The following BNC2 variants were observed in gnomAD, a reference collection of about 807,000 sequenced individuals.
The protein encoded by BNC2 is zinc finger protein basonuclin-2.
In BNC2, 20 loss-of-function variants were observed where a neutral mutation model predicts 76.3. The observed-to-expected ratio is 0.26, with a 90% CI of 0.18 to 0.38. The LOEUF (loss-of-function observed/expected upper bound fraction) is 0.38. BNC2 is among the 10% of genes least tolerant of loss of function. The pLI, the probability that BNC2 is intolerant of heterozygous loss-of-function variation, is 1.00. For missense variants in BNC2, 1,382 were observed against 1,399.8 expected, an observed-to-expected ratio of 0.99 and a Z score of 0.20; for synonymous variants, 582 against 514.8, an observed-to-expected ratio of 1.13 and a Z score of -1.77.
At chr9:16,434,632 G>A (rs980964290) in intron 6 of BNC2, among the ~76,000 whole-genome samples, 4 of 152,106 alleles carry the variant, frequency 2.6e-5, no homozygotes, top group Admixed American at 6.5e-5. Context: ...TCCTGCCACT[G>A]ACCACCTTGA....
At chr9:16,451,838 AT>A (rs1392332695) in intron 5 of BNC2, among the ~76,000 whole-genome samples, 1 of 152,176 alleles carries the variant, frequency 6.6e-6, no homozygotes. Context: ...CGTCCTTGAT[AT>A]CCCCACTGCC....
intron 3 of BNC2, among the ~76,000 whole-genome samples, chr9:16,720,124 A>G (rs10756789): frequency 0.42 from 63,986 of 152,068 alleles, 18,110 homozygotes; most frequent in Non-Finnish European, 0.63. Flanking sequence ...TACTCAAAGA[A>G]CCCTTCTACA....
chr9:16,771,452 G>A (rs1825828978), intron 1 of BNC2, among the ~76,000 whole-genome samples: 1 of 152,158 alleles, frequency 6.6e-6, no homozygotes, highest in South Asian at 2.1e-4. Flanking sequence ...ATTAAATACT[G>A]CTATATGGCA....
At chr9:16,707,406 C>T (rs908341910) in intron 3 of BNC2, among the ~76,000 whole-genome samples, 2 of 152,138 alleles carry the variant, frequency 1.3e-5, no homozygotes, top group Admixed American at 1.3e-4. Context: ...CAAACAGATA[C>T]ACTTTTCTTC....
At chr9:16,573,533 T>G (rs77195889) in intron 4 of BNC2, among the ~76,000 whole-genome samples, 1 of 107,130 alleles carries the variant, frequency 9.3e-6, no homozygotes, top group Non-Finnish European at 1.7e-5. Flanking sequence ...AGGTGTAGAG[T>G]TGCCTTTACA....
Position 16,435,768 on chromosome 9 carries a change from G to A in BNC2, c.2426C>T (p.Thr809Ile). 2 of 1,614,104 alleles carry A rather than the reference G, an allele frequency of 1.2e-6. No individual in the cohort carries two copies. The highest frequency in any genetic ancestry group is 1.7e-6 in the Non-Finnish European group (2 of 1,180,024). ...ASMAALHESFTSSLNYGSPQK... is the reference protein window; with the variant it reads ...ASMAALHESFISSLNYGSPQK... The stretch of plus-strand genomic sequence containing the variant: ...AGGGCTGCCATAATTCAGAGACGAT[G>A]TAAAGCTCTCATGCAAGGCGGCCAT... The change falls in exon 6 of 7, where the codon ACA (threonine) becomes ATA (isoleucine). Residue 809 changes from threonine to isoleucine, a missense_variant. This residue lies in a region of BNC2 where 798 missense variants were observed against 775.5 expected (regional missense o/e 1.03). Transcript: ENST00000380672.
intron 5 of BNC2, among the ~76,000 whole-genome samples, chr9:16,468,000 T>C (rs1256272389): frequency 2.0e-5 from 3 of 151,824 alleles, no homozygotes; most frequent in Admixed American, 6.6e-5. Context: ...GTTCTGTTAC[T>C]GTGTTCCTGA....
intron 6 of BNC2, chr9:16,431,591 G>A (rs879216366): frequency 2.6e-5 from 8 of 311,554 alleles, no homozygotes; most frequent in South Asian, 2.1e-4. Context: ...AAACAAGAAG[G>A]AGGAAAGGGT....
chr9:16,806,999 ACTTT>A (rs1255648285), intron 1 of BNC2, among the ~76,000 whole-genome samples: 1 of 114,762 alleles, frequency 8.7e-6, no homozygotes, highest in African/African-American at 2.5e-5. Flanking sequence ...GAAATAGTCT[ACTTT>A]CTTCTCTTTT....
chr9:16,541,862 T>C (rs867730231), intron 5 of BNC2, among the ~76,000 whole-genome samples: 3 of 152,120 alleles, frequency 2.0e-5, no homozygotes, highest in African/African-American at 7.2e-5. Context: ...CATTCTCCTA[T>C]TTATCCTACT....
chr9:16,768,294 G>A (rs1825748196), intron 1 of BNC2, among the ~76,000 whole-genome samples: 1 of 152,022 alleles, frequency 6.6e-6, no homozygotes, highest in Admixed American at 6.5e-5. Context: ...ACAGAAGTCA[G>A]TAAGAGCCAC....
At position 16,738,339 on chromosome 9, in the gene BNC2, GGA is replaced by G. The variant is rs2135126605; in HGVS notation, c.129+19_129+20del. 1 of 1,489,332 alleles carries G rather than the reference GGA, an allele frequency of 6.7e-7. No individual in the cohort carries two copies. The highest frequency in any genetic ancestry group is 8.9e-7 in the Non-Finnish European group (1 of 1,123,110). 92.3% of individuals were successfully genotyped at this position (1,489,332 alleles called of 1,614,324 possible). ...AAGTGTGTCCAAGTAACTTAAAGGG[GGA>G]AAAAAAAAACCAACATACCTCAATT... On this transcript the variant is annotated intron_variant, in intron 2 of 6. Coordinates refer to ENST00000380672, the MANE Select transcript of BNC2 (RefSeq NM_017637.6).
chr9:16,456,573 G>C (rs958534753), intron 5 of BNC2, among the ~76,000 whole-genome samples: 1 of 150,738 alleles, frequency 6.6e-6, no homozygotes, highest in East Asian at 2.0e-4. Flanking sequence ...CAGGCCAAGA[G>C]CAGCAGGTAA....
intron 5 of BNC2, among the ~76,000 whole-genome samples, chr9:16,496,591 T>C (rs1227505382): frequency 1.3e-5 from 2 of 152,238 alleles, no homozygotes; most frequent in Non-Finnish European, 2.9e-5. Context: ...AAGGTTTAAA[T>C]CTAGGATTCT....
chr9:16,443,064 CAAAA>C (rs908689709), intron 5 of BNC2, among the ~76,000 whole-genome samples: 2 of 63,666 alleles, frequency 3.1e-5, no homozygotes, highest in South Asian at 1.2e-3. Context: ...GAGACTCTGT[CAAAA>C]AAAAAAAAAA....
At chr9:16,620,250 G>T (rs1820826490) in intron 3 of BNC2, among the ~76,000 whole-genome samples, 1 of 152,120 alleles carries the variant, frequency 6.6e-6, no homozygotes, top group Non-Finnish European at 1.5e-5. Context: ...CTTTGGTTTA[G>T]CCCTCTCACT....
rs553164529 is a variant in BNC2, at chr9:16,643,221, G to A, written c.331-60136C>T. On this transcript the variant is annotated intron_variant, in intron 3 of 6. Transcript: ENST00000380672. ...CTCGGGAGGCTGAGGCAGGAGAATC[G>A]CTTGAACCTGGGAAGTGGAGGTTGC... is the stretch of plus-strand genomic sequence containing the variant. Among the ~76,000 whole-genome samples, 43 of 151,134 alleles carry A rather than the reference G, an allele frequency of 2.8e-4. No individual in the cohort carries two copies. In the East Asian group the frequency reaches 6.8e-3, roughly 24 times the overall value.
At chr9:16,430,936 G>T (rs1244915818) in intron 6 of BNC2, among the ~76,000 whole-genome samples, 2 of 152,102 alleles carry the variant, frequency 1.3e-5, no homozygotes, top group African/African-American at 4.8e-5. Flanking sequence ...AATATAATTT[G>T]GTCTTTAAAT....
intron 3 of BNC2, among the ~76,000 whole-genome samples, chr9:16,604,294 A>G (rs890748446): frequency 3.3e-5 from 5 of 152,216 alleles, no homozygotes; most frequent in Non-Finnish European, 5.9e-5. Context: ...CCCCATTCAT[A>G]TTAATTAAAT....
Sources: allele counts gnomAD v4.1 joint callset (sites outside exome capture counted in the v4.1 genomes callset), GRCh38; gene constraint gnomAD v4.1.1; regional missense constraint gnomAD v4.1.1; transcripts MANE v1.5; gene names NCBI Gene and HGNC (gene_info 2026-07-23, HGNC 2026-07-21).